The following STK17A variants were observed in gnomAD, a reference collection of about 807,000 sequenced individuals.
STK17A encodes the protein serine/threonine-protein kinase 17A.
STK17A carries 26 observed loss-of-function variants against 43.7 expected under a neutral mutation model. That is an observed-to-expected ratio of 0.60 (90% CI 0.44 to 0.83). STK17A has a LOEUF of 0.83. Ranked by LOEUF, STK17A falls within the 40% of genes least tolerant of loss-of-function variation. The probability of loss-of-function intolerance (pLI) is 0.00; values close to 1 mark genes in which losing one functional copy is unlikely to be tolerated. For synonymous variants in STK17A, 191 were observed against 182.5 expected, an observed-to-expected ratio of 1.05 and a Z score of -0.38; for missense variants, 476 against 511.6, an observed-to-expected ratio of 0.93 and a Z score of 0.67.
At position 43,626,778 on chromosome 7, in the gene STK17A, T is replaced by G. The variant is rs1008727607; in HGVS notation, c.*1936T>G. The G allele has an allele frequency of 1.3e-5, 2 of 152,088 alleles. No homozygotes were observed. The highest frequency in any genetic ancestry group is 4.8e-5 in the African/African-American group (2 of 41,450). The allele number at this position is 152,088 out of a possible 1,614,324, so 9.4% of individuals were successfully genotyped here. ...CATTTTATACTCGTAATAAATATAT[T>G]TAATATAATTGCTGTATTTGTGAGA... is the stretch of plus-strand genomic sequence containing the variant. On this transcript the variant is annotated 3_prime_UTR_variant, in exon 7 of 7. Transcript: ENST00000319357.
At chr7:43,601,759 G>A (rs906476601) in intron 2 of STK17A, among the ~76,000 whole-genome samples, 3 of 152,104 alleles carry the variant, frequency 2.0e-5, no homozygotes, top group African/African-American at 7.2e-5. Context: ...TGCATGCTGT[G>A]TGTCCCTCCT....
At chr7:43,598,901 T>A (rs1402524933) in intron 2 of STK17A, among the ~76,000 whole-genome samples, 3 of 152,080 alleles carry the variant, frequency 2.0e-5, no homozygotes, top group African/African-American at 7.2e-5. Context: ...TAGCTGGGAT[T>A]ACAGGTGCAC....
At chr7:43,604,198 T>G (rs562016332) in intron 2 of STK17A, among the ~76,000 whole-genome samples, 1 of 152,246 alleles carries the variant, frequency 6.6e-6, no homozygotes, top group South Asian at 2.1e-4. Flanking sequence ...GAACACAATT[T>G]TATATATAAG....
intron 2 of STK17A, among the ~76,000 whole-genome samples, chr7:43,597,390 A>G (rs1004157169): frequency 5.4e-4 from 81 of 151,224 alleles, no homozygotes; most frequent in South Asian, 2.1e-4. Context: ...CTTTGTTGTT[A>G]TTATTTTTTT....
intron 3 of STK17A, among the ~76,000 whole-genome samples, chr7:43,616,128 G>C (rs2083318546): frequency 6.6e-6 from 1 of 152,148 alleles, no homozygotes; most frequent in Non-Finnish European, 1.5e-5. Context: ...AAAAAATGAG[G>C]AAATCTTTTT....
At chr7:43,619,553 A>C (rs1387809804) in intron 3 of STK17A, 44 bp from the exon 4 acceptor site, 1 of 1,597,564 alleles carries the variant, frequency 6.3e-7, no homozygotes, top group Non-Finnish European at 8.5e-7. Context: ...TTGTGTACTT[A>C]ATCATAGTTA....
At chr7:43,585,076 A>G (rs1230038824) in intron 1 of STK17A, among the ~76,000 whole-genome samples, 2 of 152,108 alleles carry the variant, frequency 1.3e-5, no homozygotes, top group Non-Finnish European at 2.9e-5. Context: ...GGGCGCCTGT[A>G]ATCCCAGCTA....
intron 1 of STK17A, among the ~76,000 whole-genome samples, chr7:43,586,050 A>C (rs2152970200): frequency 6.6e-6 from 1 of 151,738 alleles, no homozygotes; most frequent in Middle Eastern, 3.4e-3. Context: ...ATCTTTGATA[A>C]GATAGAAAAC....
Position 43,623,856 on chromosome 7 carries a change from T to C in STK17A, c.888T>C (p.Asp296=). ...EFDVLSESAV[D]FIRTLLVKKP... ...ATGTTTTGTCTGAGTCGGCTGTTGA[T>C]TTCATCAGGACACTTTTAGTTAAGA... is the stretch of plus-strand genomic sequence containing the variant. Residue 296 remains aspartate (D), a synonymous_variant, in exon 6 of 7, where the codon GAT becomes GAC. Transcript: ENST00000319357. 2 of 1,590,560 alleles carry C rather than the reference T, an allele frequency of 1.3e-6. No homozygotes were observed. Among genetic ancestry groups the C allele is most frequent in the Non-Finnish European group, 1.7e-6 (2 of 1,172,088 alleles).
At chr7:43,598,079 CAG>C (rs567529675) in intron 2 of STK17A, among the ~76,000 whole-genome samples, 59 of 152,076 alleles carry the variant, frequency 3.9e-4, no homozygotes, top group Admixed American at 7.9e-4. Context: ...CATGCTAAAA[CAG>C]AGAGTAATAA....
chr7:43,595,805 T>G (rs1313591609), intron 1 of STK17A, 96 bp from the exon 2 acceptor site: 8 of 1,136,414 alleles, frequency 7.0e-6, no homozygotes, highest in African/African-American at 1.6e-5. Flanking sequence ...AAGCTAAATT[T>G]GAATATCTAC....
At chr7:43,601,629 C>G (rs1198951568) in intron 2 of STK17A, among the ~76,000 whole-genome samples, 1 of 128,814 alleles carries the variant, frequency 7.8e-6, no homozygotes, top group African/African-American at 2.8e-5. Flanking sequence ...TTTTTCTTCC[C>G]TTTTCTTTCC....
At chr7:43,604,747 C>T (rs1235961815) in intron 2 of STK17A, among the ~76,000 whole-genome samples, 1 of 152,070 alleles carries the variant, frequency 6.6e-6, no homozygotes, top group Non-Finnish European at 1.5e-5. Flanking sequence ...ATTTTTCAGC[C>T]ATGGGTATGT....
chr7:43,607,455 C>T (rs549445276), intron 2 of STK17A, among the ~76,000 whole-genome samples: 170 of 151,722 alleles, frequency 1.1e-3, no homozygotes, highest in African/African-American at 3.9e-3. Flanking sequence ...CGAGATCATC[C>T]TGGCCAACCT....
intron 3 of STK17A, among the ~76,000 whole-genome samples, chr7:43,612,838 T>C (rs985722753): frequency 1.5e-4 from 23 of 152,108 alleles, no homozygotes; most frequent in Non-Finnish European, 2.8e-4. Flanking sequence ...CAGATGCAGA[T>C]TTAGGAGTCT....
chr7:43,606,646 C>T (rs1167251761), intron 2 of STK17A, among the ~76,000 whole-genome samples: 1 of 152,048 alleles, frequency 6.6e-6, no homozygotes, highest in Admixed American at 6.5e-5. Flanking sequence ...TCTCTAGCTT[C>T]CATGTGAAGG....
intron 2 of STK17A, among the ~76,000 whole-genome samples, chr7:43,606,298 G>A (rs1363941583): frequency 1.3e-5 from 2 of 152,112 alleles, no homozygotes; most frequent in Non-Finnish European, 2.9e-5. Flanking sequence ...GACAGAAATG[G>A]AAATGCTACT....
intron 3 of STK17A, among the ~76,000 whole-genome samples, chr7:43,614,770 G>A (rs2083195778): frequency 6.6e-6 from 1 of 152,192 alleles, no homozygotes; most frequent in Non-Finnish European, 1.5e-5. Context: ...ATAGATGCAT[G>A]TAACAGGGCC....
Position 43,619,694 on chromosome 7 carries a change from G to A in STK17A, c.662G>A (p.Arg221Gln), listed in dbSNP as rs144946086. The change falls in exon 4 of 7, where the codon CGA (arginine) becomes CAA (glutamine). Residue 221 changes from arginine (R) to glutamine (Q), a missense_variant. Arg to Gln is a conservative substitution (Grantham distance 43, BLOSUM62 1). Around this residue, in one of 3 missense-constraint regions of STK17A, gnomAD observed 320 missense variants for 326.3 expected, o/e 0.98. Transcript: ENST00000319357. ...ATATTGAAGAACAGTGAAGAGCTCC[G>A]AGAAATTATGGGTACCCCTGAATAT... ...SRILKNSEELREIMGTPEYVA... is the reference protein window; with the variant it reads ...SRILKNSEELQEIMGTPEYVA... 52 of 1,613,858 alleles carry A rather than the reference G, an allele frequency of 3.2e-5. No individual in the cohort carries two copies. The African/African-American group carries it at 5.1e-4, about 16-fold the overall frequency.
Sources: allele counts gnomAD v4.1 joint callset (sites outside exome capture counted in the v4.1 genomes callset), GRCh38; gene constraint gnomAD v4.1.1; regional missense constraint gnomAD v4.1.1; transcripts MANE v1.5; gene names NCBI Gene and HGNC (gene_info 2026-07-23, HGNC 2026-07-21).